NFIB: variants seen among roughly 807,000 people sequenced by gnomAD.
NFIB encodes the protein nuclear factor 1 B-type.
In NFIB, 11 loss-of-function variants were observed where a neutral mutation model predicts 61.5. That is an observed-to-expected ratio of 0.18 (90% CI 0.11 to 0.30). NFIB has a LOEUF of 0.30. Ranked by LOEUF, NFIB falls within the 10% of genes least tolerant of loss-of-function variation. The pLI, the probability that NFIB is intolerant of heterozygous loss-of-function variation, is 1.00. For missense variants in NFIB, 471 were observed against 608.9 expected (o/e 0.77, Z 2.38); for synonymous variants, 260 against 216.5 (o/e 1.20, Z -1.76).
the NFIB span, among the ~76,000 whole-genome samples, chr9:14,507,151 A>G: frequency 6.6e-6 from 1 of 152,238 alleles, no homozygotes; most frequent in South Asian, 2.1e-4. Flanking sequence ...GTGTCCTGTT[A>G]CATTTCTTCA....
chr9:14,470,389 T>C, the NFIB span, among the ~76,000 whole-genome samples: 23,839 of 152,146 alleles, frequency 0.16, 2,030 homozygotes, highest in East Asian at 0.3. Flanking sequence ...TTCAACTTAC[T>C]CCTATTTCAG....
At chr9:14,486,152 G>A in the NFIB span, among the ~76,000 whole-genome samples, 3 of 152,290 alleles carry the variant, frequency 2.0e-5, no homozygotes, top group African/African-American at 7.2e-5. Context: ...TATGTGAACA[G>A]GGACAGAGTG....
At chr9:14,276,152 A>C (rs144166189) in intron 2 of NFIB, among the ~76,000 whole-genome samples, 463 of 152,274 alleles carry the variant, frequency 3.0e-3, no homozygotes, top group Non-Finnish European at 4.7e-3. Flanking sequence ...TGAGGTGGTG[A>C]ATCAAGCACA....
At chr9:14,267,380 G>C (rs1343306395) in intron 2 of NFIB, among the ~76,000 whole-genome samples, 2 of 152,242 alleles carry the variant, frequency 1.3e-5, no homozygotes, top group Non-Finnish European at 2.9e-5. Context: ...ATTATGAAAG[G>C]TTAACCTGTC....
chr9:14,408,630 T>C, the NFIB span, among the ~76,000 whole-genome samples: 1 of 152,240 alleles, frequency 6.6e-6, no homozygotes, highest in Non-Finnish European at 1.5e-5. Flanking sequence ...AGAAATCTTA[T>C]CTTTATTTTG....
At chr9:14,106,910 A>G (rs1341550749) in intron 10 of NFIB, among the ~76,000 whole-genome samples, 1 of 152,056 alleles carries the variant, frequency 6.6e-6, no homozygotes, top group Non-Finnish European at 1.5e-5. Context: ...ACAAATCTCA[A>G]CTGAACCAAT....
At chr9:14,321,147 A>G (rs576539775) in intron 1 of NFIB, among the ~76,000 whole-genome samples, 1 of 152,240 alleles carries the variant, frequency 6.6e-6, no homozygotes, top group African/African-American at 2.4e-5. Flanking sequence ...ACATTCAACC[A>G]CAACTTAATG....
chr9:14,230,101 G>A (rs1466407590), intron 2 of NFIB, among the ~76,000 whole-genome samples: 4 of 152,180 alleles, frequency 2.6e-5, no homozygotes, highest in Admixed American at 2.6e-4. Context: ...CACTGTGCCT[G>A]GCCTGACCTG....
chr9:14,487,287 A>G, the NFIB span, among the ~76,000 whole-genome samples: 1 of 152,178 alleles, frequency 6.6e-6, no homozygotes. Context: ...GCTGCCTTTC[A>G]CTCAAAATTG....
At chr9:14,202,688 G>A (rs574970743) in intron 2 of NFIB, among the ~76,000 whole-genome samples, 1 of 152,242 alleles carries the variant, frequency 6.6e-6, no homozygotes, top group South Asian at 2.1e-4. Context: ...CGACCCATAT[G>A]TGTAGTATTT....
intron 2 of NFIB, among the ~76,000 whole-genome samples, chr9:14,191,678 T>C (rs1346479186): frequency 6.6e-6 from 1 of 151,944 alleles, no homozygotes; most frequent in East Asian, 1.9e-4. Context: ...TCCATATGCC[T>C]TAACCCTGAA....
intron 1 of NFIB, among the ~76,000 whole-genome samples, chr9:14,391,942 C>A (rs776319300): frequency 6.6e-6 from 1 of 152,114 alleles, no homozygotes; most frequent in Admixed American, 6.6e-5. Flanking sequence ...TACTTCTGGC[C>A]GTCAGCTGAA....
intron 1 of NFIB, among the ~76,000 whole-genome samples, chr9:14,330,329 G>C (rs541917230): frequency 2.4e-4 from 36 of 152,252 alleles, no homozygotes; most frequent in Non-Finnish European, 4.4e-4. Context: ...GACCCTAGTA[G>C]AGAATCATCA....
At chr9:14,510,712 A>G in the NFIB span, among the ~76,000 whole-genome samples, 1 of 152,222 alleles carries the variant, frequency 6.6e-6, no homozygotes, top group African/African-American at 2.4e-5. Context: ...TCAAAAAAGT[A>G]CAACAACCTC....
At chr9:14,197,729 T>C (rs943543143) in intron 2 of NFIB, among the ~76,000 whole-genome samples, 2 of 152,206 alleles carry the variant, frequency 1.3e-5, no homozygotes, top group Non-Finnish European at 2.9e-5. Context: ...TTCTTAGCTG[T>C]GTCAGAAAGT....
chr9:14,177,267 T>C lies in NFIB; in HGVS notation c.616+2460A>G, dbSNP rs189864614. On this transcript the variant is annotated intron_variant, in intron 3 of 10. Transcript: ENST00000380953. The stretch of plus-strand genomic sequence containing the variant: ...CCTAAAGATAAATTATGTCCTAAAA[T>C]ACCAAATATGCTTATACTTAAAAAA... Among the ~76,000 whole-genome samples the C allele has an allele frequency of 4.6e-4, 70 of 152,258 alleles. No homozygotes were observed. In the Middle Eastern group the frequency reaches 0.014, roughly 30 times the overall value.
intron 2 of NFIB, among the ~76,000 whole-genome samples, chr9:14,255,781 G>C (rs950882282): frequency 6.6e-6 from 1 of 152,194 alleles, no homozygotes; most frequent in African/African-American, 2.4e-5. Flanking sequence ...GTTTTGTGAA[G>C]CACTCAACTG....
At chr9:14,513,712 T>C in the NFIB span, among the ~76,000 whole-genome samples, 18 of 152,038 alleles carry the variant, frequency 1.2e-4, no homozygotes, top group East Asian at 3.3e-3. Context: ...TCTTTAGTTA[T>C]GGTTTTGATG....
chr9:14,522,405 C>T, the NFIB span, among the ~76,000 whole-genome samples: 3 of 152,034 alleles, frequency 2.0e-5, no homozygotes, highest in African/African-American at 4.8e-5. Flanking sequence ...GCCTCACATA[C>T]GATAATTAAC....
Sources: gnomAD v4.1 joint callset for allele counts (sites outside exome capture counted in the v4.1 genomes callset) on GRCh38, gnomAD v4.1.1 for gene constraint, MANE v1.5 for transcripts, NCBI Gene and HGNC (gene_info 2026-07-23, HGNC 2026-07-21) for gene names.